Variants in UBIAD1 observed in about 807,000 individuals in gnomAD.
The protein encoded by UBIAD1 is UbiA prenyltransferase domain containing 1.
In UBIAD1, 12 loss-of-function variants were observed where a neutral mutation model predicts 20.1. That is an observed-to-expected ratio of 0.60 (90% CI 0.38 to 0.97). The LOEUF is 0.97. UBIAD1 is among the 50% of genes least tolerant of loss of function. UBIAD1 has a pLI of 0.00. For synonymous variants in UBIAD1, 207 were observed against 189.2 expected (o/e 1.09, Z -0.77); for missense variants, 333 against 419.5 (o/e 0.79, Z 1.80).
intron 1 of UBIAD1, chr1:11,279,446 CAG>C (rs1463663298): frequency 1.3e-5 from 2 of 152,510 alleles, no homozygotes; most frequent in African/African-American, 2.4e-5. Context: ...TGTTTTGAGA[CAG>C]AGTCTCACTC....
At position 11,285,545 on chromosome 1, in the gene UBIAD1, A is replaced by G. The variant is rs1569902670; in HGVS notation, c.530-99A>G. ...GCCCACCTGCACAGTCTAAGGATTT[A>G]CCATTTTCAGCCGGAAGTGGCCTGC... On this transcript the variant is annotated intron_variant, in intron 1 of 1. Coordinates refer to ENST00000376810, the MANE Select transcript of UBIAD1 (RefSeq NM_013319.3). This position sits in a 1 kb window ranked among gnomAD's most constrained non-coding sequence, Gnocchi z 4.4. 1 of 1,578,142 alleles carries G rather than the reference A, an allele frequency of 6.3e-7. No homozygotes were observed. The highest frequency in any genetic ancestry group is 8.6e-7 in the Non-Finnish European group (1 of 1,157,706).
chr1:11,296,653 T>G (rs536114341), downstream of UBIAD1, among the ~76,000 whole-genome samples: 18 of 152,174 alleles, frequency 1.2e-4, no homozygotes, highest in South Asian at 3.1e-3. Flanking sequence ...CAGAGTAGCT[T>G]GGACTACAGG....
chr1:11,292,668 TACACACACACACACACACACACACAC>T (rs71568319), downstream of UBIAD1, among the ~76,000 whole-genome samples: 4 of 140,648 alleles, frequency 2.8e-5, no homozygotes, highest in African/African-American at 1.1e-4. Context: ...ATTTTATGTA[TACACACACACACACACACACACACAC>T]ACACACACAC....
chr1:11,287,416 G>A lies in UBIAD1; in HGVS notation c.*1285G>A, dbSNP rs1024381492. Reference sequence around the variant, plus strand: ...CATTGTCTGTGAAGTATAATTTCTGGGCCAGAATTGCTCAGTTGCATTTGA... The same window carrying A: ...CATTGTCTGTGAAGTATAATTTCTGAGCCAGAATTGCTCAGTTGCATTTGA... On this transcript the variant is annotated 3_prime_UTR_variant, in exon 2 of 2. Coordinates refer to ENST00000376810, the MANE Select transcript of UBIAD1 (RefSeq NM_013319.3). 1 of 152,156 alleles carries A rather than the reference G, an allele frequency of 6.6e-6. No homozygotes were observed. The highest frequency in any genetic ancestry group is 1.5e-5 in the Non-Finnish European group (1 of 68,036). 9.4% of individuals were successfully genotyped at this position (152,156 alleles called of 1,614,324 possible). A position where few individuals can be genotyped will look rare whatever the true frequency, so the allele number is the denominator to read the frequency against.
chr1:11,284,430 G>A (rs750060338), intron 1 of UBIAD1, among the ~76,000 whole-genome samples: 10 of 152,052 alleles, frequency 6.6e-5, no homozygotes, highest in Non-Finnish European at 8.8e-5. Context: ...TTAAGTGTAT[G>A]TTGGGGGAGG....
At chr1:11,294,873 T>A (rs1638422980) in exon 2 of UBIAD1, 1 of 717,364 alleles carries the variant, frequency 1.4e-6, no homozygotes, top group African/African-American at 1.7e-5. Context: ...TCTCTTCCAG[T>A]CCTCATCTAG....
At chr1:11,280,345 C>T (rs1420024178) in intron 1 of UBIAD1, among the ~76,000 whole-genome samples, 2 of 152,130 alleles carry the variant, frequency 1.3e-5, no homozygotes, top group East Asian at 3.9e-4. Flanking sequence ...CTTAACCAGT[C>T]CTACTCCCCA....
At chr1:11,298,638 T>C (rs1638484660), downstream of UBIAD1, among the ~76,000 whole-genome samples, 1 of 152,194 alleles carries the variant, frequency 6.6e-6, no homozygotes, top group Non-Finnish European at 1.5e-5. The surrounding 1 kb of genome is among the most constrained non-coding windows in gnomAD (Gnocchi z 4.0). Flanking sequence ...TGCACATATG[T>C]GTGTACACTT....
At chr1:11,290,842 A>G (rs2101026923), downstream of UBIAD1, among the ~76,000 whole-genome samples, 1 of 150,340 alleles carries the variant, frequency 6.7e-6, no homozygotes, top group South Asian at 2.1e-4. Flanking sequence ...TAGCACCTGT[A>G]ATCCCAGCTA....
chr1:11,278,896 G>A (rs889703358), intron 1 of UBIAD1: 17 of 298,200 alleles, frequency 5.7e-5, no homozygotes, highest in South Asian at 1.6e-4. Flanking sequence ...ACAGAGGCTC[G>A]CGCTGTGGCC....
At position 11,283,558 on chromosome 1, in the gene UBIAD1, G is replaced by C. The variant is rs975672546; in HGVS notation, c.530-2086G>C. ...AATAGAAGGAAAAAAAATATGGCTTGAGGGTGCAGAATTAGCTTGCTGAAT... is the reference window on the plus strand; with the variant it reads ...AATAGAAGGAAAAAAAATATGGCTTCAGGGTGCAGAATTAGCTTGCTGAAT... On this transcript the variant is annotated intron_variant, in intron 1 of 1. Coordinates refer to ENST00000376810, the MANE Select transcript of UBIAD1 (RefSeq NM_013319.3). Among the ~76,000 whole-genome samples the C allele has an allele frequency of 2.6e-5, 4 of 152,160 alleles. No individual in the cohort carries two copies. The East Asian group carries it at 7.7e-4, about 29-fold the overall frequency.
At chr1:11,295,118 G>T in exon 2 of UBIAD1, 1 of 579,634 alleles carries the variant, frequency 1.7e-6, no homozygotes. Context: ...GGAGGGAGAG[G>T]AAGTTGACAC....
At position 11,287,512 on chromosome 1, in the gene UBIAD1, T is replaced by A. The variant is rs1191725470; in HGVS notation, c.*1381T>A. On this transcript the variant is annotated 3_prime_UTR_variant, in exon 2 of 2. Coordinates refer to ENST00000376810, the MANE Select transcript of UBIAD1 (RefSeq NM_013319.3). ...GATTATAGCCATTCTAGTAGGCGTT[T>A]AAGGTCATGGCCTGCAGAAAATGAT... 6.6e-6 allele frequency: 1 copy of A among 152,268 alleles called. No homozygotes were observed. Among genetic ancestry groups the A allele is most frequent in the Non-Finnish European group, 1.5e-5 (1 of 68,058 alleles). The allele number at this position is 152,268 out of a possible 1,614,324, so 9.4% of individuals were successfully genotyped here.
In UBIAD1 at chr1:11,285,366, ATGTTGCAGAGCTC is replaced by A. The variant is rs1638241060; in HGVS notation, c.530-272_530-260del. ...GAGTATAGTGGGTGCCTAGTGTGCT[ATGTTGCAGAGCTC>A]TGTTGGGGGACAGTAGGAAGGGAAA... On this transcript the variant is annotated intron_variant, in intron 1 of 1. Coordinates refer to ENST00000376810, the MANE Select transcript of UBIAD1 (RefSeq NM_013319.3). This position sits in a 1 kb window ranked among gnomAD's most constrained non-coding sequence, Gnocchi z 4.4. Among the ~76,000 whole-genome samples, 1 of 152,052 alleles carries A rather than the reference ATGTTGCAGAGCTC, an allele frequency of 6.6e-6. No homozygotes were observed. Among genetic ancestry groups the A allele is most frequent in the African/African-American group, 2.4e-5 (1 of 41,392 alleles).
In UBIAD1 at chr1:11,273,469, C is replaced by T. The variant is rs1651854928; in HGVS notation, c.-63C>T. 6.3e-7 allele frequency: 1 copy of T among 1,599,814 alleles called. No homozygotes were observed. Among genetic ancestry groups the T allele is most frequent in the Non-Finnish European group, 8.5e-7 (1 of 1,173,924 alleles). The stretch of plus-strand genomic sequence containing the variant: ...CTGCTGCCCCGCCCCGTCCTTCCTC[C>T]TTCCCGGGCGGTCACTGTGCGTGGC... On this transcript the variant is annotated 5_prime_UTR_variant, in exon 1 of 2. Transcript: ENST00000376810. The surrounding 1 kb of genome is among the most constrained non-coding windows in gnomAD (Gnocchi z 4.9).
Position 11,273,664 on chromosome 1 carries a change from A to G in UBIAD1, c.133A>G (p.Lys45Glu). Residue 45 changes from lysine to glutamate, a missense_variant, in exon 1 of 2, where the codon AAG (lysine) becomes GAG (glutamate). Lys to Glu is a moderately conservative substitution (Grantham distance 56, BLOSUM62 1). Coordinates refer to ENST00000376810, the MANE Select transcript of UBIAD1 (RefSeq NM_013319.3). This position sits in a 1 kb window ranked among gnomAD's most constrained non-coding sequence, Gnocchi z 4.9. Reference protein sequence around the residue: ...DRLPQRSWRQKCASYVLALRP... With the variant: ...DRLPQRSWRQECASYVLALRP... ...GCTCCCCCAGCGCTCCTGGAGGCAG[A>G]AGTGTGCCTCCTACGTGTTGGCCCT... 6.2e-7 allele frequency: 1 copy of G among 1,614,136 alleles called. No homozygotes were observed. Among genetic ancestry groups the G allele is most frequent in the Non-Finnish European group, 8.5e-7 (1 of 1,180,020 alleles).
At position 11,273,522 on chromosome 1, in the gene UBIAD1, T is replaced by G; in HGVS notation, c.-10T>G. 6.2e-7 allele frequency: 1 copy of G among 1,611,446 alleles called. No homozygotes were observed. Among genetic ancestry groups the G allele is most frequent in the Non-Finnish European group, 8.5e-7 (1 of 1,179,984 alleles). On this transcript the variant is annotated 5_prime_UTR_variant, in exon 1 of 2. Coordinates refer to ENST00000376810, the MANE Select transcript of UBIAD1 (RefSeq NM_013319.3). The surrounding 1 kb of genome is among the most constrained non-coding windows in gnomAD (Gnocchi z 4.9). Reference sequence around the variant, plus strand: ...ACTTTTAGAGTTTACTTCAACCACGTGGAGCTTCCATGGCGGCCTCTCAGG... The same window carrying G: ...ACTTTTAGAGTTTACTTCAACCACGGGGAGCTTCCATGGCGGCCTCTCAGG...
At chr1:11,291,562 G>A (rs11121716), downstream of UBIAD1, among the ~76,000 whole-genome samples, 14,335 of 149,006 alleles carry the variant, frequency 0.096, 1,129 homozygotes, top group African/African-American at 0.21. Context: ...AGCTAAGATC[G>A]TGCCACTGCA....
rs1651838216 is a variant in UBIAD1 at position 11,273,244 on chromosome 1, G to A, written c.-288G>A. 2.3e-6 allele frequency: 1 copy of A among 440,238 alleles called. No individual in the cohort carries two copies. 27.3% of individuals were successfully genotyped at this position (440,238 alleles called of 1,614,324 possible). A position where few individuals can be genotyped will look rare whatever the true frequency, so the allele number is the denominator to read the frequency against. ...GGCCGGCGCACAAGATGGCGGCTCT[G>A]GCGGCCTAAAGAAGGCGGCCGCGGC... On this transcript the variant is annotated 5_prime_UTR_variant, in exon 1 of 2. Coordinates refer to ENST00000376810, the MANE Select transcript of UBIAD1 (RefSeq NM_013319.3). The surrounding 1 kb of genome is among the most constrained non-coding windows in gnomAD (Gnocchi z 4.9).
Sources: gnomAD v4.1 joint callset for allele counts (sites outside exome capture counted in the v4.1 genomes callset) on GRCh38, gnomAD v4.1.1 for gene constraint, Gnocchi (gnomAD v3.1) non-coding constraint, MANE v1.5 for transcripts, NCBI Gene and HGNC (gene_info 2026-07-23, HGNC 2026-07-21) for gene names.